Variants in THSD7A observed in about 807,000 individuals in gnomAD.
The protein encoded by THSD7A is thrombospondin type-1 domain-containing protein 7A.
A neutral mutation model predicts 231.3 loss-of-function variants in THSD7A; 96 were observed. That is an observed-to-expected ratio of 0.41 (90% CI 0.35 to 0.49). The LOEUF is 0.49. THSD7A is among the 20% of genes least tolerant of loss of function. The probability of loss-of-function intolerance (pLI) is 0.05; values close to 1 mark genes in which losing one functional copy is unlikely to be tolerated. For missense variants in THSD7A, 2,290 were observed against 2,070.2 expected (o/e 1.11, Z -2.06); for synonymous variants, 940 against 743.3 (o/e 1.26, Z -4.30).
Position 11,590,353 on chromosome 7 carries a change from G to C in THSD7A, c.1453+107C>G. Reference sequence around the variant, plus strand: ...GTGAATACCAACCACAATGTGAACAGAAATGCAGCCCTCATAACCTGGATG... The same window carrying C: ...GTGAATACCAACCACAATGTGAACACAAATGCAGCCCTCATAACCTGGATG... On this transcript the variant is annotated intron_variant, in intron 4 of 27. Coordinates refer to ENST00000423059, the MANE Select transcript of THSD7A (RefSeq NM_015204.3). The surrounding 1 kb of genome is among the most constrained non-coding windows in gnomAD (Gnocchi z 4.4). 1 of 1,165,988 alleles carries C rather than the reference G, an allele frequency of 8.6e-7. No homozygotes were observed. Among genetic ancestry groups the C allele is most frequent in the Non-Finnish European group, 1.2e-6 (1 of 842,692 alleles). 72.2% of individuals were successfully genotyped at this position (1,165,988 alleles called of 1,614,324 possible).
At chr7:11,788,913 T>C (rs1317702477) in intron 1 of THSD7A, among the ~76,000 whole-genome samples, 1 of 151,958 alleles carries the variant, frequency 6.6e-6, no homozygotes, top group Non-Finnish European at 1.5e-5. Flanking sequence ...ATTATTATTA[T>C]ATTCTAGTGA....
intron 1 of THSD7A, chr7:11,821,150 AGT>A: frequency 9.0e-7 from 1 of 1,114,552 alleles, no homozygotes; most frequent in Non-Finnish European, 1.4e-6. Context: ...TATTTAGTAA[AGT>A]GTTTATGTAA....
At chr7:11,587,270 G>C (rs888350157) in intron 4 of THSD7A, among the ~76,000 whole-genome samples, 1 of 152,176 alleles carries the variant, frequency 6.6e-6, no homozygotes, top group Non-Finnish European at 1.5e-5. Flanking sequence ...TTTCACGCCA[G>C]CATAAGCTGG....
Position 11,473,871 on chromosome 7 carries a change from G to A in THSD7A, c.2252+463C>T, listed in dbSNP as rs74594627. Among the ~76,000 whole-genome samples, 91 of 152,112 alleles carry A rather than the reference G, an allele frequency of 6.0e-4. 1 individual carries two copies. The highest frequency in any genetic ancestry group is 1.1e-3 in the Non-Finnish European group (78 of 67,996). On this transcript the variant is annotated intron_variant, in intron 8 of 27. Coordinates refer to ENST00000423059, the MANE Select transcript of THSD7A (RefSeq NM_015204.3). ...TTGAAAGACGCAGTAAGTATGCTTC[G>A]GTATTTTTGATATAGTGTTTTCTAG...
chr7:11,404,804 T>G (rs1297193225), intron 22 of THSD7A, among the ~76,000 whole-genome samples: 1 of 150,428 alleles, frequency 6.6e-6, no homozygotes, highest in African/African-American at 2.5e-5. Flanking sequence ...CCATTTAACA[T>G]GAGATCTACC....
intron 16 of THSD7A, among the ~76,000 whole-genome samples, chr7:11,423,361 G>A (rs1052223672): frequency 4.8e-5 from 7 of 144,658 alleles, no homozygotes; most frequent in African/African-American, 1.8e-4. Flanking sequence ...ATGGGTTGCC[G>A]AGTGCTGGAT....
At chr7:11,710,677 G>A (rs1315843976) in intron 1 of THSD7A, among the ~76,000 whole-genome samples, 1 of 150,814 alleles carries the variant, frequency 6.6e-6, no homozygotes, top group Non-Finnish European at 1.5e-5. Context: ...TTTGCAAAAT[G>A]CTCTGAGGAA....
At chr7:11,543,176 A>G (rs973818952) in intron 4 of THSD7A, 59 bp from the exon 5 acceptor site, 10 of 1,489,924 alleles carry the variant, frequency 6.7e-6, no homozygotes, top group African/African-American at 1.4e-5. Context: ...TATGGCCAAC[A>G]ATATGATTTT....
chr7:11,744,301 A>G (rs564393913), intron 1 of THSD7A, among the ~76,000 whole-genome samples: 3 of 151,990 alleles, frequency 2.0e-5, no homozygotes, highest in Non-Finnish European at 4.4e-5. Context: ...GGTGGTGGCA[A>G]TAAACTTCAA....
At chr7:11,710,846 G>A (rs1310945151) in intron 1 of THSD7A, among the ~76,000 whole-genome samples, 1 of 150,870 alleles carries the variant, frequency 6.6e-6, no homozygotes, top group Non-Finnish European at 1.5e-5. Context: ...TTGAATTTGA[G>A]TAAGTTCCAG....
At chr7:11,723,841 G>A (rs1583226611) in intron 1 of THSD7A, among the ~76,000 whole-genome samples, 1 of 151,908 alleles carries the variant, frequency 6.6e-6, no homozygotes, top group African/African-American at 2.4e-5. Context: ...AATAAATTCA[G>A]ATAGTAAGTA....
chr7:11,603,890 A>AG (rs1406452025), intron 2 of THSD7A, among the ~76,000 whole-genome samples: 1 of 81,846 alleles, frequency 1.2e-5, no homozygotes, highest in Non-Finnish European at 2.4e-5. Flanking sequence ...GGGTGGGGGG[A>AG]GGGGGGAAGG....
At chr7:11,567,257 A>G (rs10046497) in intron 4 of THSD7A, among the ~76,000 whole-genome samples, 82,793 of 151,596 alleles carry the variant, frequency 0.55, 22,790 homozygotes, top group Middle Eastern at 0.65. Context: ...AGAGGAAGCA[A>G]GACACTTCCC....
chr7:11,538,448 G>A (rs1211870730), intron 6 of THSD7A, among the ~76,000 whole-genome samples: 1 of 152,028 alleles, frequency 6.6e-6, no homozygotes, highest in Non-Finnish European at 1.5e-5. Context: ...CCAATAGCCT[G>A]GTTTGTTCAG....
chr7:11,750,073 G>A (rs1202782943), intron 1 of THSD7A, among the ~76,000 whole-genome samples: 1 of 150,402 alleles, frequency 6.6e-6, no homozygotes, highest in Non-Finnish European at 1.5e-5. Flanking sequence ...ACTGCAGGGT[G>A]GAATCCCTTC....
chr7:11,744,843 T>G (rs990511931), intron 1 of THSD7A, among the ~76,000 whole-genome samples: 5 of 152,062 alleles, frequency 3.3e-5, no homozygotes, highest in African/African-American at 9.7e-5. Flanking sequence ...GTCTATCATT[T>G]TTTGGACATT....
At chr7:11,543,686 A>C (rs953538682) in intron 4 of THSD7A, among the ~76,000 whole-genome samples, 4 of 152,206 alleles carry the variant, frequency 2.6e-5, no homozygotes, top group African/African-American at 9.6e-5. Flanking sequence ...AAAATGTCTA[A>C]ATAATAACAC....
chr7:11,790,731 A>G (rs1783927888), intron 1 of THSD7A, among the ~76,000 whole-genome samples: 1 of 152,002 alleles, frequency 6.6e-6, no homozygotes, highest in Non-Finnish European at 1.5e-5. Context: ...ATATAGGTAC[A>G]TCTATGTAAA....
At chr7:11,602,243 A>G (rs1026158967) in intron 2 of THSD7A, among the ~76,000 whole-genome samples, 2 of 152,150 alleles carry the variant, frequency 1.3e-5, no homozygotes, top group Non-Finnish European at 2.9e-5. Flanking sequence ...GAAAAATATG[A>G]TATTATATGA....
Sources: allele counts gnomAD v4.1 joint callset (sites outside exome capture counted in the v4.1 genomes callset), GRCh38; gene constraint gnomAD v4.1.1; non-coding constraint Gnocchi (gnomAD v3.1); transcripts MANE v1.5; gene names NCBI Gene and HGNC (gene_info 2026-07-23, HGNC 2026-07-21).